Variants in SNX13 observed in about 807,000 individuals in gnomAD.
SNX13 encodes sorting nexin-13.
In SNX13, 45 loss-of-function variants were observed where a neutral mutation model predicts 133.6. The ratio of observed to expected loss-of-function variants is 0.34; its 90% CI spans 0.27 to 0.43. SNX13 has a LOEUF of 0.43. Ranked by LOEUF, SNX13 falls within the 20% of genes least tolerant of loss-of-function variation. The pLI is 1.00. For missense variants in SNX13, 1,032 were observed against 1,145.1 expected (o/e 0.90, Z 1.43); for synonymous variants, 414 against 373.9 (o/e 1.11, Z -1.24).
Position 17,907,025 on chromosome 7 carries a change from C to T in SNX13, c.13-9579G>A, listed in dbSNP as rs114326383. On this transcript the variant is annotated intron_variant, in intron 1 of 25. Transcript: ENST00000428135. ...ATTCATGTTGGTTATGTTCTTGGGG[C>T]GAAACACCAAGTATTTTTTGTATTG... Among the ~76,000 whole-genome samples the T allele has an allele frequency of 2.6e-3, 395 of 152,070 alleles. 1 individual carries two copies. Among genetic ancestry groups the T allele is most frequent in the African/African-American group, 3.6e-3 (148 of 41,452 alleles).
chr7:17,831,560 C>T (rs935588975), intron 15 of SNX13: 1 of 983,882 alleles, frequency 1.0e-6, no homozygotes, highest in Admixed American at 6.2e-5. Context: ...TCTACTCAAG[C>T]AAAGAAAAAC....
At chr7:17,799,260 A>G in intron 22 of SNX13, 106 bp from the exon 23 acceptor site, 1 of 960,952 alleles carries the variant, frequency 1.0e-6, no homozygotes. Context: ...GTCAGAGAAC[A>G]AGTTACATTT....
At position 17,816,172 on chromosome 7, in the gene SNX13, A is replaced by G; in HGVS notation, c.1953+10T>C. The G allele has an allele frequency of 1.3e-6, 2 of 1,527,104 alleles. No individual in the cohort carries two copies. The highest frequency in any genetic ancestry group is 1.8e-6 in the Non-Finnish European group (2 of 1,135,642). The allele number at this position is 1,527,104 out of a possible 1,614,324, so 94.6% of individuals were successfully genotyped here. ...TGAAAATCTGTGGATTATAGTAAAC[A>G]TGAGCTTACCTGCAAATATGCATTT... On this transcript the variant is annotated intron_variant, in intron 19 of 25. Coordinates refer to ENST00000428135, the MANE Select transcript of SNX13 (RefSeq NM_015132.5).
intron 9 of SNX13, among the ~76,000 whole-genome samples, chr7:17,861,340 T>TCA (rs1491272676): frequency 5.6e-5 from 5 of 89,066 alleles, no homozygotes; most frequent in African/African-American, 1.8e-4. Flanking sequence ...CATACAGTTA[T>TCA]CTCACACACA....
chr7:17,856,693 G>A (rs772441920), intron 9 of SNX13, among the ~76,000 whole-genome samples: 3 of 150,878 alleles, frequency 2.0e-5, no homozygotes, highest in Non-Finnish European at 2.9e-5. Flanking sequence ...ATGTGAAACT[G>A]AGTTGGGAGG....
Position 17,821,509 on chromosome 7 carries a change from C to G in SNX13, c.1845G>C (p.Gln615His). The change falls in exon 18 of 26, where the codon CAG becomes CAC. Residue 615 changes from glutamine (Q) to histidine (H), a missense_variant and splice_region_variant. Coordinates refer to ENST00000428135, the MANE Select transcript of SNX13 (RefSeq NM_015132.5). The part of the protein sequence containing the change: ...FHDFHMRITE[Q>H]FESLSSILKL... Reference sequence around the variant, plus strand: ...ACACAAGTTTTTAAAACTTCATTACCTGTTCAGTGATTCTCATGTGGAAGT... The same window carrying G: ...ACACAAGTTTTTAAAACTTCATTACGTGTTCAGTGATTCTCATGTGGAAGT... 6.2e-7 allele frequency: 1 copy of G among 1,606,644 alleles called. No individual in the cohort carries two copies. Among genetic ancestry groups the G allele is most frequent in the Non-Finnish European group, 8.5e-7 (1 of 1,176,790 alleles).
intron 1 of SNX13, among the ~76,000 whole-genome samples, chr7:17,905,947 C>A (rs921256275): frequency 6.6e-6 from 1 of 152,040 alleles, no homozygotes; most frequent in South Asian, 2.1e-4. Flanking sequence ...CTGGGACTAC[C>A]AGCATATACC....
intron 20 of SNX13, among the ~76,000 whole-genome samples, chr7:17,812,143 C>G (rs1786118050): frequency 6.6e-6 from 1 of 152,078 alleles, no homozygotes; most frequent in African/African-American, 2.4e-5. Flanking sequence ...CCAAAATTGA[C>G]AAATGGGATC....
At chr7:17,939,663 A>T (rs1802548889) in intron 1 of SNX13, among the ~76,000 whole-genome samples, 1 of 152,272 alleles carries the variant, frequency 6.6e-6, no homozygotes, top group South Asian at 2.1e-4. Context: ...ACGCAAATCA[A>T]GGTGGCAGAT....
chr7:17,901,338 G>C (rs949512052), intron 1 of SNX13, among the ~76,000 whole-genome samples: 9 of 152,128 alleles, frequency 5.9e-5, no homozygotes, highest in African/African-American at 2.2e-4. Flanking sequence ...TGTCTCACTG[G>C]GTGGTGCGGT....
At chr7:17,871,677 C>A (rs73308188) in intron 8 of SNX13, among the ~76,000 whole-genome samples, 2,795 of 152,282 alleles carry the variant, frequency 0.018, 68 homozygotes, top group African/African-American at 0.064. Context: ...AATTTTCCAT[C>A]CACTGATCCC....
At chr7:17,834,421 T>C (rs1043953300) in intron 14 of SNX13, among the ~76,000 whole-genome samples, 8 of 151,816 alleles carry the variant, frequency 5.3e-5, no homozygotes, top group Non-Finnish European at 1.0e-4. Flanking sequence ...TAGGAATTGT[T>C]TTCTAAGAAA....
rs769547098 is a variant in SNX13 at position 17,850,857 on chromosome 7, C to T, written c.945G>A (p.Gln315=). 3.0e-5 allele frequency: 48 copies of T among 1,610,258 alleles called. No homozygotes were observed. The South Asian group carries it at 4.2e-4, about 14-fold the overall frequency. Residue 315 remains glutamine, a synonymous_variant, in exon 10 of 26, where the codon CAG becomes CAA. Coordinates refer to ENST00000428135, the MANE Select transcript of SNX13 (RefSeq NM_015132.5). ...CAGCTGTATCTAGAGATCTAAGATACTGTAATTCTTCTGCTGCCTTATCTC... is the reference window on the plus strand; with the variant it reads ...CAGCTGTATCTAGAGATCTAAGATATTGTAATTCTTCTGCTGCCTTATCTC... ...AVRDKAAEEL[Q]YLRSLDTAGD...
chr7:17,845,637 C>G lies in SNX13; in HGVS notation c.1123G>C (p.Asp375His), dbSNP rs1285710276. 2 of 1,602,848 alleles carry G rather than the reference C, an allele frequency of 1.2e-6. No homozygotes were observed. The highest frequency in any genetic ancestry group is 1.7e-6 in the Non-Finnish European group (2 of 1,174,942). ...NFGKLCTVPLDSILVDNVALQ... is the reference protein window; with the variant it reads ...NFGKLCTVPLHSILVDNVALQ... ...GCAACATTGTCTACAAGAATGCTGTCCAGGGGGACTGTGCAAAGTTTCCCA... is the reference window on the plus strand; with the variant it reads ...GCAACATTGTCTACAAGAATGCTGTGCAGGGGGACTGTGCAAAGTTTCCCA... Residue 375 changes from aspartate to histidine, a missense_variant, in exon 12 of 26, where the codon GAC becomes CAC. Coordinates refer to ENST00000428135, the MANE Select transcript of SNX13 (RefSeq NM_015132.5).
intron 9 of SNX13, among the ~76,000 whole-genome samples, chr7:17,855,309 C>T (rs907657033): frequency 2.0e-5 from 3 of 152,172 alleles, no homozygotes; most frequent in South Asian, 2.1e-4. Context: ...AGAAGCTATA[C>T]GGCAAGTCAT....
At chr7:17,846,551 C>T (rs561827109) in intron 11 of SNX13, among the ~76,000 whole-genome samples, 79 of 152,032 alleles carry the variant, frequency 5.2e-4, no homozygotes, top group African/African-American at 1.9e-3. Context: ...TATTTCAGAA[C>T]CCTCTATTTA....
At position 17,834,159 on chromosome 7, in the gene SNX13, T is replaced by C. The variant is rs1788852294; in HGVS notation, c.1490A>G (p.Glu497Gly). ...RKVYELMLRD[E>G]RFYPSFRQNA... is the part of the protein sequence containing the mutation. ...CTGTCTGAAGGAAGGATAAAATCTT[T>C]CATCTCGTAGCATCAATTCATATAC... Residue 497 changes from glutamate (E) to glycine (G), a missense_variant, in exon 15 of 26, where the codon GAA (glutamate) becomes GGA (glycine). Transcript: ENST00000428135. The C allele has an allele frequency of 6.3e-7, 1 of 1,591,388 alleles. No homozygotes were observed. Among genetic ancestry groups the C allele is most frequent in the African/African-American group, 1.3e-5 (1 of 74,480 alleles).
intron 1 of SNX13, chr7:17,899,665 T>A (rs1376129517): frequency 6.6e-6 from 1 of 152,060 alleles, no homozygotes; most frequent in East Asian, 1.9e-4. Context: ...ATTATTTTAA[T>A]CTCTTTGTTA....
At chr7:17,853,150 G>A (rs1791442060) in intron 9 of SNX13, among the ~76,000 whole-genome samples, 1 of 152,202 alleles carries the variant, frequency 6.6e-6, no homozygotes, top group Non-Finnish European at 1.5e-5. Context: ...AATTTAAAAT[G>A]AGACCAGTGT....
Sources: gnomAD v4.1 joint callset for allele counts (sites outside exome capture counted in the v4.1 genomes callset) on GRCh38, gnomAD v4.1.1 for gene constraint, MANE v1.5 for transcripts, NCBI Gene and HGNC (gene_info 2026-07-23, HGNC 2026-07-21) for gene names.